The following EPB41L4A variants were observed in gnomAD, a reference collection of about 807,000 sequenced individuals.
EPB41L4A encodes band 4.1-like protein 4A.
A neutral mutation model predicts 108.6 loss-of-function variants in EPB41L4A; 100 were observed. The ratio of observed to expected loss-of-function variants is 0.92; its 90% CI spans 0.78 to 1.09. The LOEUF is 1.09. EPB41L4A is among the 50% of genes least tolerant of loss of function. The pLI, the probability that EPB41L4A is intolerant of heterozygous loss-of-function variation, is 0.00. For synonymous variants in EPB41L4A, 319 were observed against 289.0 expected, an observed-to-expected ratio of 1.10 and a Z score of -1.05; for missense variants, 1,030 against 842.7, an observed-to-expected ratio of 1.22 and a Z score of -2.75.
At chr5:112,286,283 C>T (rs750240795) in intron 2 of EPB41L4A, among the ~76,000 whole-genome samples, 1 of 152,120 alleles carries the variant, frequency 6.6e-6, no homozygotes, top group Non-Finnish European at 1.5e-5. Flanking sequence ...ATGGGTAACT[C>T]CAATTCCCCG....
intron 1 of EPB41L4A, among the ~76,000 whole-genome samples, chr5:112,362,258 C>T (rs1479166840): frequency 6.6e-6 from 1 of 150,860 alleles, no homozygotes; most frequent in African/African-American, 2.4e-5. Context: ...GCTCATGCCA[C>T]CATGCCCAGC....
chr5:112,210,298 G>C (rs544421891), intron 12 of EPB41L4A, among the ~76,000 whole-genome samples: 1 of 151,964 alleles, frequency 6.6e-6, no homozygotes, highest in South Asian at 2.1e-4. Flanking sequence ...GAGATATTTA[G>C]TACCATATAT....
At chr5:112,403,044 G>GAA (rs1031865899) in intron 1 of EPB41L4A, among the ~76,000 whole-genome samples, 3 of 144,740 alleles carry the variant, frequency 2.1e-5, no homozygotes, top group Non-Finnish European at 4.6e-5. Flanking sequence ...TTTTAAGTTG[G>GAA]AAAAAAAAAA....
intron 2 of EPB41L4A, among the ~76,000 whole-genome samples, chr5:112,306,309 C>A (rs577838452): frequency 5.4e-4 from 82 of 152,216 alleles, no homozygotes; most frequent in Non-Finnish European, 6.9e-4. Flanking sequence ...CATGTCTGTT[C>A]CCCTTTTTTG....
intron 8 of EPB41L4A, 87 bp from the exon 9 acceptor site, chr5:112,259,379 G>A (rs1192279676): frequency 2.9e-6 from 3 of 1,033,544 alleles, no homozygotes; most frequent in Admixed American, 1.7e-5. Flanking sequence ...AAAAAGACTG[G>A]TGAATACTGG....
chr5:112,309,988 C>A (rs980240760), intron 1 of EPB41L4A, among the ~76,000 whole-genome samples: 2 of 152,174 alleles, frequency 1.3e-5, no homozygotes, highest in Non-Finnish European at 2.9e-5. Context: ...GTTTGGAAGT[C>A]GATTCTTCCC....
At chr5:112,357,022 G>A (rs933019004) in intron 1 of EPB41L4A, among the ~76,000 whole-genome samples, 11 of 152,194 alleles carry the variant, frequency 7.2e-5, no homozygotes, top group South Asian at 2.1e-4. Flanking sequence ...TAAGATGGCC[G>A]GTGCTGAGTA....
At chr5:112,227,198 TGA>T (rs1748522378) in intron 12 of EPB41L4A, among the ~76,000 whole-genome samples, 1 of 152,136 alleles carries the variant, frequency 6.6e-6, no homozygotes, top group South Asian at 2.1e-4. Context: ...TAGATTTAAG[TGA>T]GAGTGTCCAA....
intron 1 of EPB41L4A, among the ~76,000 whole-genome samples, chr5:112,411,677 G>A (rs1762420888): frequency 6.6e-6 from 1 of 151,860 alleles, no homozygotes; most frequent in African/African-American, 2.4e-5. Flanking sequence ...TTACAAGGCA[G>A]ACAAGGATTT....
At chr5:112,228,774 C>G in intron 12 of EPB41L4A, 1 of 984,618 alleles carries the variant, frequency 1.0e-6, no homozygotes, top group Non-Finnish European at 1.2e-6. Flanking sequence ...CCTGCCGTCC[C>G]TTTTCTGGCT....
chr5:112,412,174 G>C (rs575744497), intron 1 of EPB41L4A, among the ~76,000 whole-genome samples: 1 of 152,304 alleles, frequency 6.6e-6, no homozygotes, highest in African/African-American at 2.4e-5. Flanking sequence ...GTCTGTGTGA[G>C]CTATCGCTCA....
chr5:112,405,959 C>A (rs984330579), intron 1 of EPB41L4A, among the ~76,000 whole-genome samples: 27 of 152,326 alleles, frequency 1.8e-4, no homozygotes, highest in African/African-American at 6.0e-4. Flanking sequence ...TGAATATATT[C>A]TTGTAGAATT....
At chr5:112,156,399 A>C (rs1404601187) in intron 12 of EPB41L4A, among the ~76,000 whole-genome samples, 2 of 152,196 alleles carry the variant, frequency 1.3e-5, no homozygotes, top group African/African-American at 4.8e-5. Context: ...CAGGTGGTGT[A>C]GATTCCAAAG....
At chr5:112,170,392 A>G (rs1332460969) in intron 19 of EPB41L4A, 23 bp from the exon 20 acceptor site, 1 of 1,476,388 alleles carries the variant, frequency 6.8e-7, no homozygotes, top group African/African-American at 1.4e-5. Context: ...ATGCAAGAAA[A>G]TGATAGTTGT....
At chr5:112,157,670 C>A (rs1180840170), downstream of EPB41L4A, among the ~76,000 whole-genome samples, 1 of 152,216 alleles carries the variant, frequency 6.6e-6, no homozygotes, top group African/African-American at 2.4e-5. Flanking sequence ...TCTGCCAAAT[C>A]TCTAACTCTT....
intron 1 of EPB41L4A, among the ~76,000 whole-genome samples, chr5:112,384,760 A>G (rs1405423915): frequency 6.6e-6 from 1 of 151,276 alleles, no homozygotes; most frequent in African/African-American, 2.5e-5. Context: ...ACAAGGAAAG[A>G]GAAACGGAAG....
At chr5:112,338,117 G>T (rs1431247391) in intron 1 of EPB41L4A, among the ~76,000 whole-genome samples, 1 of 152,056 alleles carries the variant, frequency 6.6e-6, no homozygotes, top group East Asian at 1.9e-4. Context: ...TAAAACACAA[G>T]CAGTGTTCCT....
intron 2 of EPB41L4A, among the ~76,000 whole-genome samples, chr5:112,305,584 T>C (rs1313317463): frequency 6.6e-6 from 1 of 152,328 alleles, no homozygotes; most frequent in East Asian, 1.9e-4. Flanking sequence ...GCTTCTAATA[T>C]ACTTTTGATA....
chr5:112,191,495 AT>A (rs1218143655), intron 17 of EPB41L4A, among the ~76,000 whole-genome samples: 1 of 152,208 alleles, frequency 6.6e-6, no homozygotes, highest in Non-Finnish European at 1.5e-5. Flanking sequence ...GGTAAAGTTG[AT>A]TCATAAATGT....
Sources: gnomAD v4.1 joint callset for allele counts (sites outside exome capture counted in the v4.1 genomes callset) on GRCh38, gnomAD v4.1.1 for gene constraint, MANE v1.5 for transcripts, NCBI Gene and HGNC (gene_info 2026-07-23, HGNC 2026-07-21) for gene names.